DNAJA4: variants seen among roughly 807,000 people sequenced by gnomAD.
DNAJA4 encodes dnaJ homolog subfamily A member 4.
In DNAJA4, 32 loss-of-function variants were observed where a neutral mutation model predicts 39.7. That is an observed-to-expected ratio of 0.81 (90% CI 0.61 to 1.08). The LOEUF is 1.08. Ranked by LOEUF, DNAJA4 falls within the 50% of genes least tolerant of loss-of-function variation. The pLI is 0.00. For synonymous variants in DNAJA4, 184 were observed against 182.4 expected (o/e 1.01, Z -0.07); for missense variants, 439 against 505.1 (o/e 0.87, Z 1.25).
chr15:78,281,600 A>C lies in DNAJA4; in HGVS notation c.*1140A>C, dbSNP rs2049660183. On this transcript the variant is annotated 3_prime_UTR_variant, in exon 7 of 7. Coordinates refer to ENST00000394852, the MANE Select transcript of DNAJA4 (RefSeq NM_001130182.2). Reference sequence around the variant, plus strand: ...TTGGAGGGATATTAGTCATTATTTTATTCATGACAGGTAGACTACAATTCG... The same window carrying C: ...TTGGAGGGATATTAGTCATTATTTTCTTCATGACAGGTAGACTACAATTCG... 1 of 152,212 alleles carries C rather than the reference A, an allele frequency of 6.6e-6. No homozygotes were observed. Among genetic ancestry groups the C allele is most frequent in the Non-Finnish European group, 1.5e-5 (1 of 68,036 alleles). The allele number at this position is 152,212 out of a possible 1,614,324, so 9.4% of individuals were successfully genotyped here.
At chr15:78,275,314 A>G (rs1372394802) in intron 4 of DNAJA4, 184 bp from the exon 5 acceptor site, 2 of 583,558 alleles carry the variant, frequency 3.4e-6, no homozygotes, top group East Asian at 5.6e-5. Context: ...ACATTATGCC[A>G]AGGGAAGCGG....
upstream of DNAJA4, chr15:78,264,553 G>A (rs117636273): frequency 0.11 from 131,021 of 1,223,230 alleles, 7,128 homozygotes; most frequent in East Asian, 0.13. Context: ...CGGAGGAGCC[G>A]GTGGCTCTAG....
chr15:78,275,761 C>T lies in DNAJA4; in HGVS notation c.877+33C>T, dbSNP rs752694531. ...TTCAAAGTGTGTTTCCATTGATGTT[C>T]TGTATGTTTGGCATAATAATTCTGG... On this transcript the variant is annotated intron_variant, in intron 5 of 6. Coordinates refer to ENST00000394852, the MANE Select transcript of DNAJA4 (RefSeq NM_001130182.2). 2.6e-5 allele frequency: 39 copies of T among 1,473,822 alleles called. No homozygotes were observed. In the Admixed American group the frequency reaches 6.6e-4, roughly 25 times the overall value. The allele number at this position is 1,473,822 out of a possible 1,614,324, so 91.3% of individuals were successfully genotyped here.
Position 78,270,520 on chromosome 15 carries a change from T to C in DNAJA4, c.156T>C (p.Tyr52=), listed in dbSNP as rs754552462. The C allele has an allele frequency of 5.6e-6, 9 of 1,614,082 alleles. No homozygotes were observed. In the South Asian group the frequency reaches 8.8e-5, roughly 16 times the overall value. The part of the protein sequence containing the change: ...GEKFKLISQA[Y]EVLSDPKKRD... ...AGTTTAAACTCATATCCCAGGCATA[T>C]GAAGTGCTTTCAGATCCAAAGAAAA... The change falls in exon 2 of 7, where the codon TAT becomes TAC. Residue 52 remains tyrosine, a synonymous_variant. Transcript: ENST00000394852.
chr15:78,268,811 CT>C (rs751596596), intron 1 of DNAJA4, among the ~76,000 whole-genome samples: 1 of 152,308 alleles, frequency 6.6e-6, no homozygotes, highest in East Asian at 1.9e-4. Flanking sequence ...CTTCATGGAG[CT>C]TATGTTGCAG....
At chr15:78,267,548 T>C (rs924417250) in intron 1 of DNAJA4, among the ~76,000 whole-genome samples, 1 of 151,930 alleles carries the variant, frequency 6.6e-6, no homozygotes, top group Non-Finnish European at 1.5e-5. Context: ...TTAGGGGCAA[T>C]GATGTGGGGT....
At chr15:78,267,947 C>T (rs761057014) in intron 1 of DNAJA4, among the ~76,000 whole-genome samples, 6 of 152,164 alleles carry the variant, frequency 3.9e-5, no homozygotes, top group Non-Finnish European at 7.4e-5. Context: ...TCATAGCACT[C>T]GTCTCCCACT....
Position 78,279,029 on chromosome 15 carries a change from G to GT in DNAJA4, c.878-1013dup, listed in dbSNP as rs2049572362. 1 of 152,154 alleles carries GT rather than the reference G, an allele frequency of 6.6e-6. No individual in the cohort carries two copies. The highest frequency in any genetic ancestry group is 6.6e-5 in the Admixed American group (1 of 15,262). 9.4% of individuals were successfully genotyped at this position (152,154 alleles called of 1,614,324 possible). A position where few individuals can be genotyped will look rare whatever the true frequency, so the allele number is the denominator to read the frequency against. ...CACAAAAAGCCAGCAGCCTGGAGCA[G>GT]TTTAGCTAAGGGGTTGCTGTCCTGC... is the stretch of plus-strand genomic sequence containing the variant. On this transcript the variant is annotated intron_variant, in intron 5 of 6. Coordinates refer to ENST00000394852, the MANE Select transcript of DNAJA4 (RefSeq NM_001130182.2). The surrounding 1 kb of genome is among the most constrained non-coding windows in gnomAD (Gnocchi z 4.5).
At chr15:78,264,194 C>T (rs1001593403), upstream of DNAJA4, 1 of 673,712 alleles carries the variant, frequency 1.5e-6, no homozygotes. Context: ...CTCCAGGCCG[C>T]CTACTCTCCA....
chr15:78,264,279 C>A, upstream of DNAJA4: 1 of 1,342,414 alleles, frequency 7.4e-7, no homozygotes, highest in Non-Finnish European at 9.6e-7. Context: ...CGGAGGGCGC[C>A]CTCCAGGCCC....
chr15:78,277,345 G>A (rs906179128), intron 5 of DNAJA4, among the ~76,000 whole-genome samples: 8 of 152,094 alleles, frequency 5.3e-5, no homozygotes, highest in African/African-American at 1.9e-4. Flanking sequence ...TTGTAGAGAC[G>A]GGGTTTCGCC....
intron 2 of DNAJA4, among the ~76,000 whole-genome samples, chr15:78,272,416 C>A (rs1194710453): frequency 6.6e-6 from 1 of 152,160 alleles, no homozygotes; most frequent in Non-Finnish European, 1.5e-5. Flanking sequence ...AACTTCATGC[C>A]CTTAATTAAG....
rs766072813 is a variant in DNAJA4, at chr15:78,270,506, A to G, written c.142A>G (p.Ile48Val). 1.2e-5 allele frequency: 20 copies of G among 1,612,814 alleles called. No homozygotes were observed. Among genetic ancestry groups the G allele is most frequent in the Non-Finnish European group, 1.6e-5 (19 of 1,179,664 alleles). Residue 48 changes from isoleucine (I) to valine (V), a missense_variant, in exon 2 of 7, where the codon ATA becomes GTA. Ile to Val is a conservative substitution (Grantham distance 29, BLOSUM62 3). Coordinates refer to ENST00000394852, the MANE Select transcript of DNAJA4 (RefSeq NM_001130182.2). ...NPDEGEKFKL[I>V]SQAYEVLSDP... ...TCTCTCTCTTTTAAAGTTTAAACTCATATCCCAGGCATATGAAGTGCTTTC... is the reference window on the plus strand; with the variant it reads ...TCTCTCTCTTTTAAAGTTTAAACTCGTATCCCAGGCATATGAAGTGCTTTC...
intron 1 of DNAJA4, 163 bp from the exon 2 acceptor site, chr15:78,270,334 A>T: frequency 1.5e-6 from 1 of 661,598 alleles, no homozygotes; most frequent in Non-Finnish European, 2.5e-6. Context: ...CCAAAGGAGT[A>T]GGTAGACAGG....
Position 78,264,684 on chromosome 15 carries a change from CCAGGGGCGCGGGCCAGGGTGCCGG to C in DNAJA4, c.-71_-48del, listed in dbSNP as rs1231100516. 8.5e-7 allele frequency: 1 copy of C among 1,183,156 alleles called. No individual in the cohort carries two copies. The highest frequency in any genetic ancestry group is 1.7e-5 in the African/African-American group (1 of 59,354). The allele number at this position is 1,183,156 out of a possible 1,614,324, so 73.3% of individuals were successfully genotyped here. A position where few individuals can be genotyped will look rare whatever the true frequency, so the allele number is the denominator to read the frequency against. ...CGCGAGCGGGCGGCGGGGGCGCGGG[CCAGGGGCGCGGGCCAGGGTGCCGG>C]CAGGGGCGTCCGGGGCGCTCTGACC... is the stretch of plus-strand genomic sequence containing the variant. On this transcript the variant is annotated 5_prime_UTR_variant, in exon 1 of 7. Coordinates refer to ENST00000394852, the MANE Select transcript of DNAJA4 (RefSeq NM_001130182.2).
chr15:78,274,110 G>T (rs1000996282), intron 3 of DNAJA4, 87 bp from the exon 4 acceptor site: 6 of 1,303,384 alleles, frequency 4.6e-6, no homozygotes, highest in African/African-American at 2.9e-5. Flanking sequence ...CAATGTGAGG[G>T]TTCCCTACCC....
chr15:78,272,141 C>T (rs779632744), intron 2 of DNAJA4, among the ~76,000 whole-genome samples: 2 of 152,090 alleles, frequency 1.3e-5, no homozygotes, highest in Non-Finnish European at 2.9e-5. Flanking sequence ...TCGAGACCAT[C>T]CTGGCTAACA....
At chr15:78,265,603 A>G (rs1225383543) in intron 1 of DNAJA4, 2 of 702,358 alleles carry the variant, frequency 2.8e-6, no homozygotes, top group South Asian at 3.0e-5. Context: ...TTTTAGAGAC[A>G]GAAGTTAAAA....
In DNAJA4 at chr15:78,265,725, T is replaced by C. The variant is rs1030342829; in HGVS notation, c.132+830T>C. On this transcript the variant is annotated intron_variant, in intron 1 of 6. Coordinates refer to ENST00000394852, the MANE Select transcript of DNAJA4 (RefSeq NM_001130182.2). ...CATTGCAAGGAAAGGCTGCTAACCC[T>C]CCCGTTCCTCCTTTCACTTCTTGCC... 4.3e-6 allele frequency: 3 copies of C among 690,776 alleles called. No individual in the cohort carries two copies. In the African/African-American group the frequency reaches 5.3e-5, roughly 12 times the overall value. 42.8% of individuals were successfully genotyped at this position (690,776 alleles called of 1,614,324 possible).
Sources: allele counts gnomAD v4.1 joint callset (sites outside exome capture counted in the v4.1 genomes callset), GRCh38; gene constraint gnomAD v4.1.1; non-coding constraint Gnocchi (gnomAD v3.1); transcripts MANE v1.5; gene names NCBI Gene and HGNC (gene_info 2026-07-23, HGNC 2026-07-21).